The following PLEKHM3 variants were observed in gnomAD, a reference collection of about 807,000 sequenced individuals.
PLEKHM3 encodes pleckstrin homology domain containing M3.
Under a neutral mutation model 81.8 loss-of-function variants are expected in PLEKHM3, and 45 were observed. The observed-to-expected ratio is 0.55, with a 90% CI of 0.43 to 0.71. The LOEUF is 0.71. Among genes scored for constraint, PLEKHM3 ranks in the 30% least tolerant of loss-of-function variants. The pLI is 0.00. For missense variants in PLEKHM3, 788 were observed against 924.3 expected, an observed-to-expected ratio of 0.85 and a Z score of 1.91; for synonymous variants, 352 against 356.4, an observed-to-expected ratio of 0.99 and a Z score of 0.14.
rs76117139 is a variant in PLEKHM3, at chr2:207,859,999, C to T, written c.2108+1106G>A. ...TCCCAGTGGTTCGTCCAGTTTGGGC[C>T]TTCCTCTGAGACTGCAATTTCCCAC... On this transcript the variant is annotated intron_variant, in intron 7 of 7. Transcript: ENST00000427836. Among the ~76,000 whole-genome samples, 439 of 152,250 alleles carry T rather than the reference C, an allele frequency of 2.9e-3. 3 individuals are homozygous for T. Among genetic ancestry groups the T allele is most frequent in the African/African-American group, 0.01 (418 of 41,550 alleles).
chr2:207,879,366 T>C (rs769514641), intron 6 of PLEKHM3, among the ~76,000 whole-genome samples: 1 of 152,244 alleles, frequency 6.6e-6, no homozygotes, highest in Non-Finnish European at 1.5e-5. Context: ...CCAGTTTGCG[T>C]CCTCTTGCTC....
At chr2:207,980,370 AG>A (rs1053778846) in intron 2 of PLEKHM3, among the ~76,000 whole-genome samples, 34 of 152,128 alleles carry the variant, frequency 2.2e-4, no homozygotes, top group African/African-American at 8.0e-4. Flanking sequence ...AAGACCGGCG[AG>A]GGAATCTTCA....
At chr2:207,872,227 C>T (rs973993234) in intron 6 of PLEKHM3, among the ~76,000 whole-genome samples, 1 of 152,142 alleles carries the variant, frequency 6.6e-6, no homozygotes, top group African/African-American at 2.4e-5. Flanking sequence ...TCACTGGATG[C>T]CTACTGACCC....
intron 2 of PLEKHM3, among the ~76,000 whole-genome samples, chr2:207,981,726 A>G (rs972950501): frequency 4.6e-5 from 7 of 152,166 alleles, no homozygotes; most frequent in African/African-American, 1.7e-4. Flanking sequence ...AATTTACCAT[A>G]GTTCACTTTT....
At chr2:207,866,538 C>G (rs761658370) in intron 6 of PLEKHM3, among the ~76,000 whole-genome samples, 11 of 152,222 alleles carry the variant, frequency 7.2e-5, no homozygotes, top group Non-Finnish European at 1.0e-4. Context: ...CCCAGACACT[C>G]AATGTAGAGT....
In PLEKHM3 at chr2:208,017,565, A is replaced by G. The variant is rs568947508; in HGVS notation, c.-319+7824T>C. Among the ~76,000 whole-genome samples the G allele has an allele frequency of 2.6e-5, 4 of 152,310 alleles. No individual in the cohort carries two copies. The South Asian group carries it at 8.3e-4, about 32-fold the overall frequency. The stretch of plus-strand genomic sequence containing the variant: ...GGAATATCTCTTCTCAAAAAAGTAA[A>G]AAATGAATAAAATCCATCTTTGCCA... On this transcript the variant is annotated intron_variant, in intron 1 of 7. Transcript: ENST00000427836.
chr2:207,955,048 G>A (rs532756262), intron 3 of PLEKHM3, among the ~76,000 whole-genome samples: 1 of 152,232 alleles, frequency 6.6e-6, no homozygotes, highest in East Asian at 1.9e-4. Flanking sequence ...GCTAAAGCAC[G>A]TAAGTAAATA....
intron 2 of PLEKHM3, among the ~76,000 whole-genome samples, chr2:207,989,455 C>A (rs1029811619): frequency 2.6e-5 from 4 of 152,124 alleles, no homozygotes; most frequent in Middle Eastern, 3.2e-3. Flanking sequence ...AGATGGTGGG[C>A]CTTCACTTAG....
intron 7 of PLEKHM3, among the ~76,000 whole-genome samples, chr2:207,857,761 G>T (rs570964729): frequency 9.7e-4 from 148 of 151,914 alleles, no homozygotes; most frequent in African/African-American, 3.4e-3. Context: ...GTAGCTAAAA[G>T]GTTGTTAACT....
chr2:207,869,775 C>G (rs1051403822), intron 6 of PLEKHM3: 1 of 152,170 alleles, frequency 6.6e-6, no homozygotes, highest in Non-Finnish European at 1.5e-5. Context: ...TTTCCACCAT[C>G]CAGTCCCTGA....
At chr2:207,924,825 G>A (rs1041277539) in intron 5 of PLEKHM3, among the ~76,000 whole-genome samples, 1 of 152,176 alleles carries the variant, frequency 6.6e-6, no homozygotes, top group Admixed American at 6.5e-5. Flanking sequence ...AAGGGCAGCC[G>A]AGGTGTTGGG....
chr2:207,973,733 C>T (rs181915246), intron 3 of PLEKHM3, among the ~76,000 whole-genome samples: 1 of 151,660 alleles, frequency 6.6e-6, no homozygotes, highest in African/African-American at 2.4e-5. Context: ...GAGCGAAACT[C>T]CATCTCAAAA....
At chr2:208,008,057 A>C (rs1290724897) in intron 1 of PLEKHM3, among the ~76,000 whole-genome samples, 1 of 151,796 alleles carries the variant, frequency 6.6e-6, no homozygotes, top group African/African-American at 2.4e-5. Flanking sequence ...TATCTCAAAA[A>C]TAAATAAATA....
At chr2:207,857,627 A>C (rs140228296) in intron 7 of PLEKHM3, among the ~76,000 whole-genome samples, 1,987 of 152,080 alleles carry the variant, frequency 0.013, 13 homozygotes, top group Middle Eastern at 0.048. Context: ...ATTTCATCTA[A>C]ATTTGTCTAA....
chr2:207,898,815 G>A (rs1244490419), intron 6 of PLEKHM3, among the ~76,000 whole-genome samples: 1 of 152,064 alleles, frequency 6.6e-6, no homozygotes, highest in African/African-American at 2.4e-5. Flanking sequence ...AGGATTGCTC[G>A]GGCTCAGGAG....
At chr2:207,988,424 T>C (rs1229296545) in intron 2 of PLEKHM3, among the ~76,000 whole-genome samples, 1 of 152,206 alleles carries the variant, frequency 6.6e-6, no homozygotes. Flanking sequence ...ACTGTACTGT[T>C]GTGAGGAAGA....
chr2:208,006,645 C>A (rs1206964327), intron 1 of PLEKHM3, among the ~76,000 whole-genome samples: 1 of 152,204 alleles, frequency 6.6e-6, no homozygotes, highest in Admixed American at 6.5e-5. Context: ...GGACCTCACC[C>A]ATTCAACAAC....
rs778508656 is a variant in PLEKHM3, at chr2:208,001,679, C to T, written c.-40G>A. 6.4e-7 allele frequency: 1 copy of T among 1,567,764 alleles called. No homozygotes were observed. The highest frequency in any genetic ancestry group is 1.2e-5 in the South Asian group (1 of 83,228). ...GAGGCCTTAGCCTCCTAAGCTGGTTCCAGAAATGGCTTCATGAACATTCAC... is the reference window on the plus strand; with the variant it reads ...GAGGCCTTAGCCTCCTAAGCTGGTTTCAGAAATGGCTTCATGAACATTCAC... On this transcript the variant is annotated 5_prime_UTR_variant, in exon 2 of 8. Coordinates refer to ENST00000427836, the MANE Select transcript of PLEKHM3 (RefSeq NM_001080475.3).
intron 5 of PLEKHM3, among the ~76,000 whole-genome samples, chr2:207,913,064 G>C (rs1164638445): frequency 3.9e-5 from 6 of 152,054 alleles, no homozygotes; most frequent in Non-Finnish European, 8.8e-5. Context: ...AATGGGAAAA[G>C]TAAAGATTCC....
Sources: gnomAD v4.1 joint callset for allele counts (sites outside exome capture counted in the v4.1 genomes callset) on GRCh38, gnomAD v4.1.1 for gene constraint, MANE v1.5 for transcripts, NCBI Gene and HGNC (gene_info 2026-07-23, HGNC 2026-07-21) for gene names.